The following VPS25 variants were observed in gnomAD, a reference collection of about 807,000 sequenced individuals.
VPS25 encodes the protein vacuolar protein sorting 25 homolog, also known as vacuolar protein-sorting-associated protein 25.
A neutral mutation model predicts 30.3 loss-of-function variants in VPS25; 21 were observed. The observed-to-expected ratio is 0.69, with a 90% CI of 0.49 to 1.00. VPS25 has a LOEUF of 1.00. Ranked by LOEUF, VPS25 falls within the 50% of genes least tolerant of loss-of-function variation. The pLI is 0.00. For missense variants in VPS25, 156 were observed against 217.2 expected (o/e 0.72, Z 1.77); for synonymous variants, 101 against 88.1 (o/e 1.15, Z -0.82).
intron 5 of VPS25, among the ~76,000 whole-genome samples, chr17:42,778,628 T>A (rs981218377): frequency 1.3e-5 from 2 of 152,260 alleles, no homozygotes. Flanking sequence ...CCGATCTCCC[T>A]AGGCCTGATT....
intron 3 of VPS25, chr17:42,775,160 C>T (rs997457430): frequency 2.2e-5 from 11 of 490,728 alleles, no homozygotes; most frequent in Admixed American, 1.9e-4. Context: ...CCTCCCATCT[C>T]AGCCTCCTGA....
chr17:42,778,829 A>G (rs1422023753), intron 5 of VPS25, 128 bp from the exon 6 acceptor site: 2 of 688,546 alleles, frequency 2.9e-6, no homozygotes, highest in East Asian at 5.5e-5. Flanking sequence ...TGTGGATGGC[A>G]GCTGTAGCAG....
At chr17:42,774,207 C>T (rs761172840) in intron 2 of VPS25, 19 of 279,002 alleles carry the variant, frequency 6.8e-5, no homozygotes, top group Non-Finnish European at 1.1e-4. Context: ...ACTTGGGTAA[C>T]TACCTTTAAT....
In VPS25 at chr17:42,779,042, C is replaced by T. The variant is rs200127803; in HGVS notation, c.504C>T (p.Ser168=). The change falls in exon 6 of 6, where the codon AGC becomes AGT. Residue 168 remains serine (S), a synonymous_variant. Transcript: ENST00000253794. ...QEHKAEIITV[S]DGRGVKFF is the part of the protein sequence containing the mutation. ...ACAAGGCCGAGATCATCACTGTCAG[C>T]GATGGCCGAGGCGTCAAGTTCTTCT... The T allele has an allele frequency of 7.9e-5, 127 of 1,613,950 alleles. No homozygotes were observed. Among genetic ancestry groups the T allele is most frequent in the Non-Finnish European group, 8.1e-5 (96 of 1,179,882 alleles).
Position 42,779,240 on chromosome 17 carries a change from C to CCT in VPS25, c.*172_*173dup. 1 of 594,350 alleles carries CCT rather than the reference C, an allele frequency of 1.7e-6. No homozygotes were observed. The highest frequency in any genetic ancestry group is 3.0e-6 in the Non-Finnish European group (1 of 334,370). The allele number at this position is 594,350 out of a possible 1,614,324, so 36.8% of individuals were successfully genotyped here. A position where few individuals can be genotyped will look rare whatever the true frequency, so the allele number is the denominator to read the frequency against. On this transcript the variant is annotated 3_prime_UTR_variant, in exon 6 of 6. Transcript: ENST00000253794. ...GTTTCTCACACCCCATATGTCTGTC[C>CCT]CTTGGATAGGGTGAGGCTGAAGCAC...
chr17:42,776,380 C>G, intron 5 of VPS25, 60 bp downstream of exon 5: 2 of 1,509,752 alleles, frequency 1.3e-6, no homozygotes, highest in Non-Finnish European at 1.8e-6. Context: ...TTTGTTTTTC[C>G]GATATGGAGT....
chr17:42,774,039 T>C (rs59999845), intron 2 of VPS25, 161 bp downstream of exon 2: 25,758 of 836,622 alleles, frequency 0.031, 2,593 homozygotes, highest in African/African-American at 0.26. Context: ...CATTTTCCCC[T>C]GGCAAATGCA....
At chr17:42,777,619 A>C (rs1308758916) in intron 5 of VPS25, among the ~76,000 whole-genome samples, 1 of 152,210 alleles carries the variant, frequency 6.6e-6, no homozygotes, top group African/African-American at 2.4e-5. Context: ...TAAGCTTGAA[A>C]TCTCATTCCT....
intron 2 of VPS25, 144 bp downstream of exon 2, chr17:42,774,022 T>A: frequency 1.0e-6 from 1 of 985,590 alleles, no homozygotes; most frequent in Non-Finnish European, 1.5e-6. Context: ...TGAAAATGTG[T>A]AGCTGACATT....
Position 42,779,543 on chromosome 17 carries a change from C to G in VPS25, c.*474C>G, listed in dbSNP as rs1209189500. On this transcript the variant is annotated 3_prime_UTR_variant, in exon 6 of 6. Transcript: ENST00000253794. The stretch of plus-strand genomic sequence containing the variant: ...ATATGAAGATAGGAGGCCCACGGGC[C>G]TGGCAGTGAGAGGTGTGGCCCCACA... The G allele has an allele frequency of 3.0e-5, 5 of 167,388 alleles. No individual in the cohort carries two copies. The highest frequency in any genetic ancestry group is 1.7e-4 in the Admixed American group (3 of 18,050). 10.4% of individuals were successfully genotyped at this position (167,388 alleles called of 1,614,324 possible).
chr17:42,773,783 C>T lies in VPS25; in HGVS notation c.104C>T (p.Ser35Leu). The part of the protein sequence containing the change: ...TRQKQLAAWC[S>L]LVLSFCRLHK... ...CAGAAGCAGCTGGCCGCCTGGTGCT[C>T]GCTGGTCCTGTCCTTCTGCCGCCTG... Residue 35 changes from serine (S) to leucine (L), a missense_variant, in exon 2 of 6, where the codon TCG (serine) becomes TTG (leucine). Coordinates refer to ENST00000253794, the MANE Select transcript of VPS25 (RefSeq NM_032353.4). 2 of 1,614,148 alleles carry T rather than the reference C, an allele frequency of 1.2e-6. No homozygotes were observed. Among genetic ancestry groups the T allele is most frequent in the Non-Finnish European group, 1.7e-6 (2 of 1,180,046 alleles).
At chr17:42,777,865 CAG>C (rs1247773636) in intron 5 of VPS25, among the ~76,000 whole-genome samples, 2 of 152,358 alleles carry the variant, frequency 1.3e-5, no homozygotes, top group Non-Finnish European at 2.9e-5. Flanking sequence ...GCTGGGATAA[CAG>C]AGGGTGTCTC....
chr17:42,774,009 G>C lies in VPS25; in HGVS notation c.199+131G>C, dbSNP rs997846276. On this transcript the variant is annotated intron_variant, in intron 2 of 5. Transcript: ENST00000253794. ...GATTCCCACCCAAACTGGACTTAAA[G>C]AGTGAAAATGTGTAGCTGACATTTT... The C allele has an allele frequency of 3.0e-5, 33 of 1,115,258 alleles. No individual in the cohort carries two copies. In the African/African-American group the frequency reaches 4.4e-4, roughly 15 times the overall value. 69.1% of individuals were successfully genotyped at this position (1,115,258 alleles called of 1,614,324 possible).
intron 4 of VPS25, among the ~76,000 whole-genome samples, 160 bp from the exon 5 acceptor site, chr17:42,776,085 C>G (rs2054433768): frequency 6.6e-6 from 1 of 152,168 alleles, no homozygotes; most frequent in Non-Finnish European, 1.5e-5. Flanking sequence ...AAATATAGCA[C>G]TTGTAGGGTT....
intron 3 of VPS25, chr17:42,774,920 G>C: frequency 2.1e-6 from 1 of 475,950 alleles, no homozygotes. Flanking sequence ...GTGGAAGAAG[G>C]ATGAGTGCCT....
intron 5 of VPS25, among the ~76,000 whole-genome samples, chr17:42,777,122 G>A (rs1452274477): frequency 6.6e-6 from 1 of 152,182 alleles, no homozygotes; most frequent in Non-Finnish European, 1.5e-5. Context: ...AGAAGGCTTA[G>A]GTGGGAGGAT....
rs61754307 is a variant in VPS25, at chr17:42,779,024, C to G, written c.486C>G (p.Ala162=). The change falls in exon 6 of 6, where the codon GCC becomes GCG. Residue 162 remains alanine (A), a synonymous_variant. Transcript: ENST00000253794. The part of the protein sequence containing the change: ...ALQALQQEHK[A]EIITVSDGRG... ...AGGCCCTACAGCAGGAGCACAAGGC[C>G]GAGATCATCACTGTCAGCGATGGCC... 4.9e-5 allele frequency: 79 copies of G among 1,613,968 alleles called. 1 individual carries two copies. Among genetic ancestry groups the G allele is most frequent in the Non-Finnish European group, 6.2e-5 (73 of 1,179,978 alleles).
chr17:42,777,484 A>G (rs533719464), intron 5 of VPS25, among the ~76,000 whole-genome samples: 2 of 152,386 alleles, frequency 1.3e-5, no homozygotes, highest in Admixed American at 6.5e-5. Context: ...ACTGCACTCT[A>G]GTCTGGATGA....
chr17:42,779,018 C>T lies in VPS25; in HGVS notation c.480C>T (p.His160=). ...LRALQALQQE[H]KAEIITVSDG... ...CTCTGCAGGCCCTACAGCAGGAGCA[C>T]AAGGCCGAGATCATCACTGTCAGCG... The change falls in exon 6 of 6, where the codon CAC becomes CAT. Residue 160 remains histidine, a synonymous_variant. Coordinates refer to ENST00000253794, the MANE Select transcript of VPS25 (RefSeq NM_032353.4). 1.9e-6 allele frequency: 3 copies of T among 1,610,820 alleles called. No homozygotes were observed. Among genetic ancestry groups the T allele is most frequent in the Middle Eastern group, 3.3e-4 (2 of 6,054 alleles).
Sources: gnomAD v4.1 joint callset for allele counts (sites outside exome capture counted in the v4.1 genomes callset) on GRCh38, gnomAD v4.1.1 for gene constraint, MANE v1.5 for transcripts, NCBI Gene and HGNC (gene_info 2026-07-23, HGNC 2026-07-21) for gene names.